Variants in SORCS2 observed in about 807,000 individuals in gnomAD.
SORCS2 encodes the protein VPS10 domain-containing receptor SorCS2.
SORCS2 carries 100 observed loss-of-function variants against 141.6 expected under a neutral mutation model. The ratio of observed to expected loss-of-function variants is 0.71; its 90% CI spans 0.60 to 0.83. The LOEUF (loss-of-function observed/expected upper bound fraction) is 0.83. Among genes scored for constraint, SORCS2 ranks in the 40% least tolerant of loss-of-function variants. The pLI is 0.00. For missense variants in SORCS2, 1,646 were observed against 1,560.2 expected, an observed-to-expected ratio of 1.05 and a Z score of -0.93; for synonymous variants, 789 against 676.9, an observed-to-expected ratio of 1.17 and a Z score of -2.57.
rs1389231069 is a variant in SORCS2 at position 7,193,460 on chromosome 4, T to C, written c.480+334T>C. Among the ~76,000 whole-genome samples the C allele has an allele frequency of 6.7e-6, 1 of 150,312 alleles. No individual in the cohort carries two copies. The highest frequency in any genetic ancestry group is 1.5e-5 in the Non-Finnish European group (1 of 67,982). ...GAACCTTCGGAAGCCTGCAGGTCCT[T>C]GAGGGTACCCCAGCTCGGCGTTACC... On this transcript the variant is annotated intron_variant, in intron 1 of 26. Transcript: ENST00000507866. This position sits in a 1 kb window ranked among gnomAD's most constrained non-coding sequence, Gnocchi z 4.8.
chr4:7,471,300 A>G (rs1235449552), intron 2 of SORCS2, among the ~76,000 whole-genome samples: 2 of 152,210 alleles, frequency 1.3e-5, no homozygotes, highest in African/African-American at 4.8e-5. Flanking sequence ...TCAAAGGGCA[A>G]TGTTGTGGCC....
chr4:7,515,249 A>C (rs1732900578), intron 2 of SORCS2, among the ~76,000 whole-genome samples: 1 of 152,170 alleles, frequency 6.6e-6, no homozygotes. Flanking sequence ...ACAGCTTGTC[A>C]CCATACTTCC....
chr4:7,354,131 C>A (rs1721111209), intron 1 of SORCS2, among the ~76,000 whole-genome samples: 1 of 152,178 alleles, frequency 6.6e-6, no homozygotes, highest in African/African-American at 2.4e-5. Context: ...TCTGCACGGA[C>A]CCCACCCTGT....
rs114044899 is a variant in SORCS2, at chr4:7,641,373, T to G, written c.813+2881T>G. Among the ~76,000 whole-genome samples, 688 of 152,184 alleles carry G rather than the reference T, an allele frequency of 4.5e-3. 6 individuals carry two copies. The highest frequency in any genetic ancestry group is 0.016 in the African/African-American group (655 of 41,490). ...CACAAGTTGGGAAATGCAAAATACT[T>G]TTAAACCATCAGATCTCATGAGAAC... On this transcript the variant is annotated intron_variant, in intron 4 of 26. Coordinates refer to ENST00000507866, the MANE Select transcript of SORCS2 (RefSeq NM_020777.3).
intron 1 of SORCS2, among the ~76,000 whole-genome samples, chr4:7,373,020 T>C (rs1722360202): frequency 6.6e-6 from 1 of 151,402 alleles, no homozygotes; most frequent in Non-Finnish European, 1.5e-5. Flanking sequence ...TTTTTTTTTT[T>C]TTCCCCTATC....
intron 2 of SORCS2, among the ~76,000 whole-genome samples, chr4:7,405,348 G>T (rs1408830914): frequency 6.6e-6 from 1 of 152,026 alleles, no homozygotes; most frequent in South Asian, 2.1e-4. Context: ...CTCTTTTTGG[G>T]TTCCATTTGA....
At chr4:7,296,342 C>T (rs1717051098) in intron 1 of SORCS2, among the ~76,000 whole-genome samples, 1 of 152,250 alleles carries the variant, frequency 6.6e-6, no homozygotes, top group African/African-American at 2.4e-5. Flanking sequence ...TGTTAGCGGG[C>T]AGGCTCATGC....
intron 1 of SORCS2, among the ~76,000 whole-genome samples, chr4:7,289,358 G>A (rs1280744997): frequency 6.6e-6 from 1 of 152,146 alleles, no homozygotes; most frequent in African/African-American, 2.4e-5. Context: ...AGCCCACTGT[G>A]CCAACTCTGA....
chr4:7,441,506 C>G (rs961956101), intron 2 of SORCS2, among the ~76,000 whole-genome samples: 1 of 151,904 alleles, frequency 6.6e-6, no homozygotes, highest in Non-Finnish European at 1.5e-5. Flanking sequence ...GCAGGGGAGG[C>G]GCAGGCCGGC....
chr4:7,499,691 C>A (rs565581328), intron 2 of SORCS2, among the ~76,000 whole-genome samples: 1 of 151,900 alleles, frequency 6.6e-6, no homozygotes, highest in Non-Finnish European at 1.5e-5. Flanking sequence ...AGCCATGCCC[C>A]GGGAGACCCT....
At chr4:7,549,855 G>A (rs1281465108) in intron 3 of SORCS2, among the ~76,000 whole-genome samples, 1 of 152,148 alleles carries the variant, frequency 6.6e-6, no homozygotes, top group Admixed American at 6.5e-5. Flanking sequence ...CAGTACCAGT[G>A]AATTCACTAG....
intron 22 of SORCS2, among the ~76,000 whole-genome samples, chr4:7,728,764 A>C (rs1013518618): frequency 6.6e-6 from 1 of 152,238 alleles, no homozygotes; most frequent in South Asian, 2.1e-4. Flanking sequence ...GTCGTCCTCC[A>C]GTGCTCCAGA....
intron 1 of SORCS2, among the ~76,000 whole-genome samples, chr4:7,323,349 A>G (rs1487785394): frequency 2.6e-5 from 4 of 152,198 alleles, no homozygotes; most frequent in Non-Finnish European, 5.9e-5. Flanking sequence ...CAGGAGAATC[A>G]TGGCTTTCTG....
chr4:7,673,845 TC>T (rs976020082), intron 8 of SORCS2, among the ~76,000 whole-genome samples: 7 of 151,728 alleles, frequency 4.6e-5, no homozygotes, highest in Non-Finnish European at 8.8e-5. Flanking sequence ...ATAATCTCAG[TC>T]CCCCCACCAC....
intron 1 of SORCS2, among the ~76,000 whole-genome samples, chr4:7,322,862 C>G (rs1163052241): frequency 6.6e-6 from 1 of 152,206 alleles, no homozygotes; most frequent in Non-Finnish European, 1.5e-5. Context: ...AGAGCACTGA[C>G]CAGCTGCGGC....
At chr4:7,207,612 A>G (rs1472395608) in intron 1 of SORCS2, among the ~76,000 whole-genome samples, 2 of 152,224 alleles carry the variant, frequency 1.3e-5, no homozygotes, top group African/African-American at 4.8e-5. Context: ...TACAGGGAGC[A>G]GGGCAGATGT....
At chr4:7,635,827 C>T (rs747784142) in intron 3 of SORCS2, among the ~76,000 whole-genome samples, 4 of 152,216 alleles carry the variant, frequency 2.6e-5, no homozygotes, top group Non-Finnish European at 5.9e-5. Flanking sequence ...GAGGCCACAT[C>T]TTTCTCCGTC....
intron 1 of SORCS2, among the ~76,000 whole-genome samples, chr4:7,224,418 C>T (rs898493113): frequency 7.9e-5 from 12 of 152,220 alleles, no homozygotes; most frequent in Non-Finnish European, 1.6e-4. Context: ...CCCTGGGAAG[C>T]TGCAGCAGCA....
chr4:7,297,870 G>C (rs750196272), intron 1 of SORCS2, among the ~76,000 whole-genome samples: 68 of 152,220 alleles, frequency 4.5e-4, no homozygotes, highest in Non-Finnish European at 9.3e-4. Context: ...AGAGGGCCCA[G>C]CCCTGTCTGT....
Sources: gnomAD v4.1 joint callset for allele counts (sites outside exome capture counted in the v4.1 genomes callset) on GRCh38, gnomAD v4.1.1 for gene constraint, Gnocchi (gnomAD v3.1) non-coding constraint, MANE v1.5 for transcripts, NCBI Gene and HGNC (gene_info 2026-07-23, HGNC 2026-07-21) for gene names.